UBR4: variants seen among roughly 807,000 people sequenced by gnomAD.
The protein encoded by UBR4 is E3 ubiquitin-protein ligase UBR4.
A neutral mutation model predicts 575.6 loss-of-function variants in UBR4; 124 were observed. The observed-to-expected ratio is 0.22, with a 90% CI of 0.19 to 0.25. UBR4 has a LOEUF of 0.25. Among genes scored for constraint, UBR4 ranks in the 10% least tolerant of loss-of-function variants. The pLI is 1.00. For synonymous variants in UBR4, 2,455 were observed against 2,473.7 expected, an observed-to-expected ratio of 0.99 and a Z score of 0.22; for missense variants, 4,818 against 6,478.8, an observed-to-expected ratio of 0.74 and a Z score of 8.80.
chr1:19,099,638 C>T lies in UBR4; in HGVS notation c.13261G>A (p.Val4421Met), dbSNP rs1297420039. 2 of 1,614,062 alleles carry T rather than the reference C, an allele frequency of 1.2e-6. No individual in the cohort carries two copies. Among genetic ancestry groups the T allele is most frequent in the Admixed American group, 1.7e-5 (1 of 60,008 alleles). Residue 4421 changes from valine (V) to methionine (M), a missense_variant, in exon 90 of 106, where the codon GTG (valine) becomes ATG (methionine). Transcript: ENST00000375254. The part of the protein sequence containing the change: ...NNKIISLDLP[V>M]AEVYKKVWCT... ...CAGACTTTCTTGTAAACTTCAGCCA[C>T]AGGAAGGTCCAAACTAATGATTTTA...
chr1:19,139,365 A>G lies in UBR4; in HGVS notation c.8594-145T>C, dbSNP rs2083572423. 8.8e-7 allele frequency: 1 copy of G among 1,138,666 alleles called. No individual in the cohort carries two copies. The highest frequency in any genetic ancestry group is 3.6e-5 in the Admixed American group (1 of 27,664). The allele number at this position is 1,138,666 out of a possible 1,614,324, so 70.5% of individuals were successfully genotyped here. A position where few individuals can be genotyped will look rare whatever the true frequency, so the allele number is the denominator to read the frequency against. On this transcript the variant is annotated intron_variant, in intron 58 of 105. Coordinates refer to ENST00000375254, the MANE Select transcript of UBR4 (RefSeq NM_020765.3). This position sits in a 1 kb window ranked among gnomAD's most constrained non-coding sequence, Gnocchi z 4.2. ...ATGCAGTTTATATATCCTGTCGTCA[A>G]AGAAAAAAGGGAGAGATTTGCTTTG...
In UBR4 at chr1:19,162,410, T is replaced by C. The variant is rs368699502; in HGVS notation, c.4956+10A>G. ...TTGAGAGGTTAACTTCGAGGTTACT[T>C]AGTACTTACTGAATCCTCAGCCTGG... On this transcript the variant is annotated intron_variant, in intron 35 of 105. Transcript: ENST00000375254. The C allele has an allele frequency of 4.3e-6, 7 of 1,609,814 alleles. No individual in the cohort carries two copies. Among genetic ancestry groups the C allele is most frequent in the Non-Finnish European group, 5.9e-6 (7 of 1,178,338 alleles).
intron 99 of UBR4, among the ~76,000 whole-genome samples, chr1:19,087,226 G>A (rs1278064699): frequency 6.6e-6 from 1 of 152,260 alleles, no homozygotes; most frequent in African/African-American, 2.4e-5. Context: ...GAGCCCTGTG[G>A]CCCAGGCACC....
chr1:19,154,373 C>A (rs980112456), intron 44 of UBR4, among the ~76,000 whole-genome samples: 4 of 152,214 alleles, frequency 2.6e-5, no homozygotes, highest in African/African-American at 9.6e-5. Flanking sequence ...AATGGGTCAT[C>A]AATGGCAGAT....
intron 68 of UBR4, among the ~76,000 whole-genome samples, chr1:19,120,606 C>A (rs2081063746): frequency 6.6e-6 from 1 of 152,194 alleles, no homozygotes. Context: ...AATAATGACA[C>A]TAAAAACCAC....
chr1:19,138,604 C>T (rs1276689914), intron 59 of UBR4, among the ~76,000 whole-genome samples: 1 of 152,122 alleles, frequency 6.6e-6, no homozygotes, highest in Non-Finnish European at 1.5e-5. Flanking sequence ...AGCCCCACCT[C>T]ATCAGCTAGT....
rs1174166499 is a variant in UBR4, at chr1:19,128,100, T to C, written c.9111+111A>G. Reference sequence around the variant, plus strand: ...TGACTCAACAGAATGCAGCCCTCAGTGGATGGTTACCCCTTGAAACGAGGT... The same window carrying C: ...TGACTCAACAGAATGCAGCCCTCAGCGGATGGTTACCCCTTGAAACGAGGT... On this transcript the variant is annotated intron_variant, in intron 62 of 105. Coordinates refer to ENST00000375254, the MANE Select transcript of UBR4 (RefSeq NM_020765.3). 1.1e-5 allele frequency: 11 copies of C among 1,044,142 alleles called. No individual in the cohort carries two copies. The African/African-American group carries it at 1.4e-4, about 13-fold the overall frequency. 64.7% of individuals were successfully genotyped at this position (1,044,142 alleles called of 1,614,324 possible).
chr1:19,193,456 C>T lies in UBR4; in HGVS notation c.1120G>A (p.Ala374Thr), dbSNP rs369831645. Residue 374 changes from alanine (A) to threonine (T), a missense_variant, in exon 9 of 106, where the codon GCA (alanine) becomes ACA (threonine). Around this residue, in one of 29 missense-constraint regions of UBR4, gnomAD observed 131 missense variants for 214.5 expected, o/e 0.61. Coordinates refer to ENST00000375254, the MANE Select transcript of UBR4 (RefSeq NM_020765.3). ...SSKEDDYESD[A>T]ATIVQKCLEI... ...ACACATTTCTGGACAATTGTAGCTG[C>T]GTCACTTTCATAGTCATCTTCTTTG... The T allele has an allele frequency of 3.0e-5, 48 of 1,614,012 alleles. No individual in the cohort carries two copies. The highest frequency in any genetic ancestry group is 3.7e-5 in the Non-Finnish European group (44 of 1,179,992).
chr1:19,176,031 C>T (rs947535085), intron 20 of UBR4, among the ~76,000 whole-genome samples: 1 of 152,126 alleles, frequency 6.6e-6, no homozygotes, highest in Admixed American at 6.5e-5. Flanking sequence ...AAGCGATCTT[C>T]CCACTTTGCC....
chr1:19,081,989 T>C (rs776918778), intron 102 of UBR4: 37 of 582,634 alleles, frequency 6.4e-5, no homozygotes, highest in Non-Finnish European at 4.9e-5. Flanking sequence ...AAAACATGAA[T>C]CAAGATTCCC....
At chr1:19,092,167 C>T (rs1396211893) in intron 97 of UBR4, among the ~76,000 whole-genome samples, 2 of 151,952 alleles carry the variant, frequency 1.3e-5, no homozygotes, top group African/African-American at 4.8e-5. Context: ...ATGAACCTGC[C>T]CTGCGTCCTG....
rs1186598085 is a variant in UBR4, at chr1:19,144,047, G to A, written c.8112C>T (p.Val2704=). 6.2e-7 allele frequency: 1 copy of A among 1,613,916 alleles called. No homozygotes were observed. Reference sequence around the variant, plus strand: ...GTCTCCGTTTGTTCCTGGGCCTTAGGACTCGAATTAGAGCTTGTTTACAAG... The same window carrying A: ...GTCTCCGTTTGTTCCTGGGCCTTAGAACTCGAATTAGAGCTTGTTTACAAG... The part of the protein sequence containing the change: ...SFSCKQALIR[V]LRPRNKRRHV... Residue 2704 remains valine, a synonymous_variant, in exon 55 of 106, where the codon GTC becomes GTT. Coordinates refer to ENST00000375254, the MANE Select transcript of UBR4 (RefSeq NM_020765.3).
chr1:19,193,223 T>C (rs1206811373), intron 9 of UBR4, among the ~76,000 whole-genome samples: 1 of 152,236 alleles, frequency 6.6e-6, no homozygotes, highest in Non-Finnish European at 1.5e-5. Flanking sequence ...CTTTCAAGTG[T>C]GTTCTACAGA....
rs192645639 is a variant in UBR4 at position 19,088,598 on chromosome 1, C to T, written c.14430+161G>A. Among the ~76,000 whole-genome samples the T allele has an allele frequency of 2.3e-3, 346 of 152,282 alleles. No individual in the cohort carries two copies. The highest frequency in any genetic ancestry group is 7.3e-3 in the African/African-American group (304 of 41,566). Reference sequence around the variant, plus strand: ...TCCGAGTCTCATCTGTATGATAGAACGATAGTAGTTCCACCTCTGAGAGGG... The same window carrying T: ...TCCGAGTCTCATCTGTATGATAGAATGATAGTAGTTCCACCTCTGAGAGGG... On this transcript the variant is annotated intron_variant, in intron 98 of 105. Transcript: ENST00000375254. The surrounding 1 kb of genome is among the most constrained non-coding windows in gnomAD (Gnocchi z 4.0).
chr1:19,191,014 C>T (rs1171550449), intron 11 of UBR4, among the ~76,000 whole-genome samples: 2 of 152,156 alleles, frequency 1.3e-5, no homozygotes, highest in African/African-American at 2.4e-5. Context: ...CCATTTTAGC[C>T]ACACTGACCT....
chr1:19,170,681 G>A, intron 26 of UBR4, 81 bp downstream of exon 26: 1 of 1,582,072 alleles, frequency 6.3e-7, no homozygotes, highest in Non-Finnish European at 8.6e-7. Flanking sequence ...AACGCCAGTA[G>A]GCACCAAGGG....
intron 104 of UBR4, among the ~76,000 whole-genome samples, chr1:19,077,465 GGC>G (rs2076063900): frequency 6.6e-6 from 1 of 152,232 alleles, no homozygotes; most frequent in Non-Finnish European, 1.5e-5. Context: ...CAGGCACAGT[GGC>G]CCATGCCTGT....
chr1:19,119,956 C>T lies in UBR4; in HGVS notation c.10310+224G>A, dbSNP rs549641319. 7.2e-5 allele frequency among the ~76,000 whole-genome samples: 11 copies of T among 152,258 alleles called. No individual in the cohort carries two copies. The South Asian group carries it at 8.3e-4, about 11-fold the overall frequency. On this transcript the variant is annotated intron_variant, in intron 69 of 105. Coordinates refer to ENST00000375254, the MANE Select transcript of UBR4 (RefSeq NM_020765.3). ...TCAAGCTTGGTCATGTTACAAACCC[C>T]GATACATAGCCTTCTGAGTAGAAAA...
chr1:19,185,075 T>C, intron 15 of UBR4, 24 bp downstream of exon 15: 1 of 1,614,058 alleles, frequency 6.2e-7, no homozygotes. Flanking sequence ...CCACTTCCCC[T>C]AAACCTTAGA....
Sources: allele counts gnomAD v4.1 joint callset (sites outside exome capture counted in the v4.1 genomes callset), GRCh38; gene constraint gnomAD v4.1.1; regional missense constraint gnomAD v4.1.1; non-coding constraint Gnocchi (gnomAD v3.1); transcripts MANE v1.5; gene names NCBI Gene and HGNC (gene_info 2026-07-23, HGNC 2026-07-21).